The following GULP1 variants were observed in gnomAD, a reference collection of about 807,000 sequenced individuals.
The protein encoded by GULP1 is GULP PTB domain containing engulfment adaptor 1.
In GULP1, 19 loss-of-function variants were observed where a neutral mutation model predicts 40.9. That is an observed-to-expected ratio of 0.46 (90% CI 0.32 to 0.68). The LOEUF is 0.68. Among genes scored for constraint, GULP1 ranks in the 30% least tolerant of loss-of-function variants. GULP1 has a pLI of 0.03. For missense variants in GULP1, 312 were observed against 362.2 expected (o/e 0.86, Z 1.12); for synonymous variants, 119 against 117.6 (o/e 1.01, Z -0.08).
intron 2 of GULP1, among the ~76,000 whole-genome samples, chr2:188,463,435 A>G (rs1213549535): frequency 6.6e-6 from 1 of 152,098 alleles, no homozygotes; most frequent in Non-Finnish European, 1.5e-5. Context: ...TGCTGCTTTT[A>G]GCACCCTTTC....
intron 1 of GULP1, among the ~76,000 whole-genome samples, chr2:188,293,607 C>A (rs574389112): frequency 7.1e-5 from 8 of 112,840 alleles, no homozygotes; most frequent in African/African-American, 2.2e-4. Flanking sequence ...TTTCCCTTTT[C>A]CCCCCATATG....
chr2:188,430,896 G>T (rs778678224), intron 2 of GULP1, among the ~76,000 whole-genome samples: 1 of 152,196 alleles, frequency 6.6e-6, no homozygotes, highest in Non-Finnish European at 1.5e-5. Flanking sequence ...TACTCAAGGA[G>T]ATTAAGAATC....
At chr2:188,470,218 G>T (rs2060474615) in intron 2 of GULP1, among the ~76,000 whole-genome samples, 1 of 152,106 alleles carries the variant, frequency 6.6e-6, no homozygotes, top group Non-Finnish European at 1.5e-5. Context: ...CTTTATTACA[G>T]CTTTGATCTT....
At chr2:188,447,160 G>T (rs547490000) in intron 2 of GULP1, among the ~76,000 whole-genome samples, 1 of 152,302 alleles carries the variant, frequency 6.6e-6, no homozygotes, top group South Asian at 2.1e-4. Flanking sequence ...GAAAGGAAAA[G>T]GAATGTCTGG....
intron 2 of GULP1, among the ~76,000 whole-genome samples, chr2:188,452,443 CA>C (rs2058908115): frequency 6.6e-6 from 1 of 152,166 alleles, no homozygotes; most frequent in Admixed American, 6.5e-5. Context: ...CCAAGAATTA[CA>C]AAGAGACTGT....
At chr2:188,434,451 G>T (rs760666515) in intron 2 of GULP1, among the ~76,000 whole-genome samples, 1 of 151,258 alleles carries the variant, frequency 6.6e-6, no homozygotes, top group African/African-American at 2.4e-5. Context: ...TGAATTTAAA[G>T]TATTTTTTTA....
chr2:188,458,920 C>G (rs1028530644), intron 2 of GULP1, among the ~76,000 whole-genome samples: 3 of 152,232 alleles, frequency 2.0e-5, no homozygotes, highest in African/African-American at 7.2e-5. Flanking sequence ...ATTTTTAGAT[C>G]TCACAAATAA....
At chr2:188,354,167 CGTGGCTTCATA>C (rs1047315841) in intron 1 of GULP1, among the ~76,000 whole-genome samples, 6 of 152,080 alleles carry the variant, frequency 3.9e-5, no homozygotes, top group Admixed American at 2.6e-4. Context: ...TGCCACTACA[CGTGGCTTCATA>C]GAGCCTGGGA....
intron 7 of GULP1, among the ~76,000 whole-genome samples, chr2:188,567,631 C>G (rs1220878135): frequency 6.6e-6 from 1 of 151,972 alleles, no homozygotes; most frequent in African/African-American, 2.4e-5. Flanking sequence ...CACACCAGGA[C>G]CCATTAGGGG....
At chr2:188,561,772 G>C (rs948440638) in intron 7 of GULP1, among the ~76,000 whole-genome samples, 2 of 152,148 alleles carry the variant, frequency 1.3e-5, no homozygotes, top group Admixed American at 1.3e-4. Context: ...TTGGGCTGGG[G>C]AGTGGGGAAT....
intron 2 of GULP1, among the ~76,000 whole-genome samples, chr2:188,437,575 G>A (rs965335945): frequency 6.6e-6 from 1 of 152,046 alleles, no homozygotes; most frequent in African/African-American, 2.4e-5. Flanking sequence ...CCATTACTGA[G>A]TATACATCCA....
chr2:188,594,066 TTTA>T lies in GULP1; in HGVS notation c.*65_*67del. The T allele has an allele frequency of 3.4e-6, 3 of 874,742 alleles. No homozygotes were observed. Among genetic ancestry groups the T allele is most frequent in the Non-Finnish European group, 5.7e-6 (3 of 522,952 alleles). 54.2% of individuals were successfully genotyped at this position (874,742 alleles called of 1,614,324 possible). On this transcript the variant is annotated 3_prime_UTR_variant, in exon 12 of 12. Transcript: ENST00000409830. Reference sequence around the variant, plus strand: ...TAAATGTGTTTGTATACACATGTCATTTATTATTATTACTTTAAGATAGGTATT... The same window carrying T: ...TAAATGTGTTTGTATACACATGTCATTTATTATTACTTTAAGATAGGTATT...
chr2:188,536,025 C>T (rs562079512), intron 6 of GULP1, among the ~76,000 whole-genome samples: 1 of 152,030 alleles, frequency 6.6e-6, no homozygotes, highest in South Asian at 2.1e-4. Flanking sequence ...GTCTTTTGCC[C>T]ACTTTTTAAT....
intron 1 of GULP1, among the ~76,000 whole-genome samples, chr2:188,362,468 A>T (rs1244080912): frequency 6.6e-6 from 1 of 152,064 alleles, no homozygotes; most frequent in African/African-American, 2.4e-5. Context: ...TGCCTTACTC[A>T]CCTGCACATG....
chr2:188,477,810 T>G (rs369610819), intron 3 of GULP1, 80 bp downstream of exon 3: 3 of 1,110,968 alleles, frequency 2.7e-6, no homozygotes, highest in African/African-American at 1.6e-5. Flanking sequence ...AGAAATCAGT[T>G]TTTCTTGTTG....
At chr2:188,472,410 A>C (rs2060663218) in intron 2 of GULP1, among the ~76,000 whole-genome samples, 1 of 152,074 alleles carries the variant, frequency 6.6e-6, no homozygotes, top group East Asian at 1.9e-4. Flanking sequence ...ATTAACACTT[A>C]GATTTGCTCT....
intron 7 of GULP1, chr2:188,541,587 A>G: frequency 1.8e-6 from 1 of 557,230 alleles, no homozygotes. Flanking sequence ...TATGTTATGC[A>G]TGTATTTTAT....
At position 188,532,112 on chromosome 2, in the gene GULP1, C is replaced by A. The variant is rs1011090062; in HGVS notation, c.261+2917C>A. ...AAAGCTGATAATATACTTTATGTAT[C>A]ATTTTCGTATGTTCTTGTTATTTTT... On this transcript the variant is annotated intron_variant, in intron 6 of 11. Coordinates refer to ENST00000409830, the MANE Select transcript of GULP1 (RefSeq NM_016315.4). Among the ~76,000 whole-genome samples the A allele has an allele frequency of 9.9e-5, 15 of 152,198 alleles. No individual in the cohort carries two copies. In the East Asian group the frequency reaches 2.9e-3, roughly 29 times the overall value.
intron 1 of GULP1, among the ~76,000 whole-genome samples, chr2:188,361,927 A>G (rs1301759124): frequency 1.3e-5 from 2 of 152,072 alleles, no homozygotes; most frequent in Non-Finnish European, 2.9e-5. Flanking sequence ...TGCTTTTCCA[A>G]ATTTAATTCT....
Sources: gnomAD v4.1 joint callset for allele counts (sites outside exome capture counted in the v4.1 genomes callset) on GRCh38, gnomAD v4.1.1 for gene constraint, MANE v1.5 for transcripts, NCBI Gene and HGNC (gene_info 2026-07-23, HGNC 2026-07-21) for gene names.